NKAIN2: variants seen among roughly 807,000 people sequenced by gnomAD.
NKAIN2 encodes sodium/potassium-transporting ATPase subunit beta-1-interacting protein 2.
NKAIN2 carries 14 observed loss-of-function variants against 32.6 expected under a neutral mutation model. The ratio of observed to expected loss-of-function variants is 0.43; its 90% CI spans 0.28 to 0.67. The LOEUF (loss-of-function observed/expected upper bound fraction) is 0.67. Ranked by LOEUF, NKAIN2 falls within the 30% of genes least tolerant of loss-of-function variation. The pLI, the probability that NKAIN2 is intolerant of heterozygous loss-of-function variation, is 0.17. For missense variants in NKAIN2, 198 were observed against 258.3 expected, an observed-to-expected ratio of 0.77 and a Z score of 1.60; for synonymous variants, 80 against 87.2, an observed-to-expected ratio of 0.92 and a Z score of 0.46.
intron 1 of NKAIN2, among the ~76,000 whole-genome samples, chr6:123,900,080 T>C (rs569692594): frequency 4.9e-4 from 74 of 152,324 alleles, no homozygotes; most frequent in Non-Finnish European, 5.6e-4. Flanking sequence ...AAGAGGCCCC[T>C]GGCCTAGGTT....
intron 1 of NKAIN2, among the ~76,000 whole-genome samples, chr6:123,975,438 T>A (rs1778519791): frequency 2.0e-5 from 3 of 152,188 alleles, no homozygotes; most frequent in Admixed American, 1.3e-4. Flanking sequence ...AATTACAGAT[T>A]TAAAATCATT....
intron 4 of NKAIN2, among the ~76,000 whole-genome samples, chr6:124,785,406 G>C (rs1779453867): frequency 6.6e-6 from 1 of 152,120 alleles, no homozygotes; most frequent in South Asian, 2.1e-4. Context: ...GGTTACATTG[G>C]CTGTCTTTTC....
intron 1 of NKAIN2, among the ~76,000 whole-genome samples, chr6:123,884,611 C>G (rs1221167305): frequency 2.0e-5 from 3 of 152,054 alleles, no homozygotes; most frequent in African/African-American, 7.2e-5. Context: ...AAGGTAGTGA[C>G]AAAAATTGGT....
At chr6:124,107,338 T>C (rs1468530275) in intron 1 of NKAIN2, among the ~76,000 whole-genome samples, 9 of 152,160 alleles carry the variant, frequency 5.9e-5, no homozygotes, top group Admixed American at 5.9e-4. Context: ...GGTGTGATTC[T>C]AGTTGATAGG....
chr6:124,415,179 C>G (rs1245001448), intron 3 of NKAIN2, among the ~76,000 whole-genome samples: 2 of 152,142 alleles, frequency 1.3e-5, no homozygotes, highest in East Asian at 3.9e-4. Context: ...AGATTTAGGT[C>G]TCAGTCTCAT....
At chr6:124,188,204 A>G (rs1157729493) in intron 1 of NKAIN2, among the ~76,000 whole-genome samples, 1 of 152,208 alleles carries the variant, frequency 6.6e-6, no homozygotes, top group Non-Finnish European at 1.5e-5. Flanking sequence ...TCATGATTCA[A>G]TCAGAGAAGT....
chr6:124,395,929 T>G, intron 3 of NKAIN2, among the ~76,000 whole-genome samples: 1 of 152,180 alleles, frequency 6.6e-6, no homozygotes, highest in East Asian at 1.9e-4. Context: ...ATTCTTTAAC[T>G]GTGTTCAACA....
At chr6:123,853,775 CT>C (rs1247862956) in intron 1 of NKAIN2, among the ~76,000 whole-genome samples, 1,827 of 141,052 alleles carry the variant, frequency 0.013, 21 homozygotes, top group African/African-American at 0.036. Flanking sequence ...GATAAATTTC[CT>C]TTTTTTTTTT....
At chr6:124,065,841 A>C (rs1471636236) in intron 1 of NKAIN2, among the ~76,000 whole-genome samples, 1 of 152,180 alleles carries the variant, frequency 6.6e-6, no homozygotes, top group Non-Finnish European at 1.5e-5. Flanking sequence ...ATAATATTTT[A>C]AATACCAAAC....
At chr6:124,016,764 G>A (rs1247027846) in intron 1 of NKAIN2, among the ~76,000 whole-genome samples, 1 of 151,648 alleles carries the variant, frequency 6.6e-6, no homozygotes, top group African/African-American at 2.4e-5. Context: ...GTGTGAGGTT[G>A]TTTTCAATTT....
intron 3 of NKAIN2, among the ~76,000 whole-genome samples, chr6:124,364,250 A>AAAAAAAAAAAGAGAG: frequency 7.2e-6 from 1 of 139,738 alleles, no homozygotes; most frequent in Non-Finnish European, 1.5e-5. Context: ...AAAAAAAAAA[A>AAAAAAAAAAAGAGAG]AGAGAGAAAA....
chr6:124,365,794 G>C (rs950642567), intron 3 of NKAIN2, among the ~76,000 whole-genome samples: 1 of 152,096 alleles, frequency 6.6e-6, no homozygotes, highest in East Asian at 1.9e-4. Flanking sequence ...AGAATGATTT[G>C]CAATTATTCA....
intron 1 of NKAIN2, among the ~76,000 whole-genome samples, chr6:124,276,293 A>AACACAC (rs149321217): frequency 0.094 from 13,730 of 145,824 alleles, 1,026 homozygotes; most frequent in African/African-American, 0.21. Context: ...CCCCTTGGTG[A>AACACAC]ACACACACAC....
chr6:124,809,658 C>G (rs1780784417), intron 5 of NKAIN2, among the ~76,000 whole-genome samples: 1 of 150,500 alleles, frequency 6.6e-6, no homozygotes, highest in Non-Finnish European at 1.5e-5. Flanking sequence ...TAAAGAGCTT[C>G]TGCACAGCAA....
chr6:124,198,950 C>T (rs757670857), intron 1 of NKAIN2, among the ~76,000 whole-genome samples: 106 of 152,086 alleles, frequency 7.0e-4, no homozygotes, highest in Non-Finnish European at 1.3e-3. Context: ...GGACACTTTG[C>T]GCCTTTCAAC....
intron 5 of NKAIN2, among the ~76,000 whole-genome samples, chr6:124,803,119 G>A (rs1582550087): frequency 6.6e-6 from 1 of 152,184 alleles, no homozygotes; most frequent in East Asian, 1.9e-4. Context: ...TTCTGCATTT[G>A]ACAAAGTGGC....
At chr6:124,727,723 TA>T (rs1776405319) in intron 4 of NKAIN2, among the ~76,000 whole-genome samples, 1 of 149,484 alleles carries the variant, frequency 6.7e-6, no homozygotes, top group Admixed American at 6.7e-5. Context: ...ACTTTAAATG[TA>T]AATGGGCTAA....
intron 3 of NKAIN2, among the ~76,000 whole-genome samples, chr6:124,363,616 GA>G (rs1478948373): frequency 6.6e-6 from 1 of 152,198 alleles, no homozygotes; most frequent in Non-Finnish European, 1.5e-5. Context: ...GGACTCTATA[GA>G]ATAAACTAGA....
At chr6:124,780,959 C>T (rs1014778996) in intron 4 of NKAIN2, among the ~76,000 whole-genome samples, 2 of 152,176 alleles carry the variant, frequency 1.3e-5, no homozygotes, top group Admixed American at 6.5e-5. Context: ...GTATTAAACT[C>T]CTCTGTGATT....
Sources: allele counts gnomAD v4.1 joint callset (sites outside exome capture counted in the v4.1 genomes callset), GRCh38; gene constraint gnomAD v4.1.1; transcripts MANE v1.5; gene names NCBI Gene and HGNC (gene_info 2026-07-23, HGNC 2026-07-21).